The following CHD5 variants were observed in gnomAD, a reference collection of about 807,000 sequenced individuals.
CHD5 encodes the protein chromodomain helicase DNA binding protein 5.
In CHD5, 69 loss-of-function variants were observed where a neutral mutation model predicts 230.3. The observed-to-expected ratio is 0.30, with a 90% CI of 0.25 to 0.37. The LOEUF (loss-of-function observed/expected upper bound fraction) is 0.37, where lower values mean the gene tolerates loss of function less well. CHD5 is among the 10% of genes least tolerant of loss of function. The pLI is 1.00. For synonymous variants in CHD5, 1,064 were observed against 1,065.9 expected (o/e 1.00, Z 0.03); for missense variants, 1,827 against 2,622.8 (o/e 0.70, Z 6.63).
In CHD5 at chr1:6,121,207, T is replaced by G. The variant is rs1176439995; in HGVS notation, c.4810A>C (p.Ser1604Arg). The G allele has an allele frequency of 5.0e-6, 8 of 1,613,414 alleles. No individual in the cohort carries two copies. The change falls in exon 33 of 42, where the codon AGT becomes CGT. Residue 1604 changes from serine (S) to arginine (R), a missense_variant. Transcript: ENST00000262450. This position sits in a 1 kb window ranked among gnomAD's most constrained non-coding sequence, Gnocchi z 4.5. ...GCTGGGCTCTCGTGCTTGTCCTCAC[T>G]CTCCACTCTATCCAAGGCGGCTGGA... ...ALPAALDRVE[S>R]EDKHESPASK...
chr1:6,130,179 G>A lies in CHD5; in HGVS notation c.3387+25C>T. 4 of 1,612,860 alleles carry A rather than the reference G, an allele frequency of 2.5e-6. No homozygotes were observed. Among genetic ancestry groups the A allele is most frequent in the Non-Finnish European group, 3.4e-6 (4 of 1,179,150 alleles). On this transcript the variant is annotated intron_variant, in intron 22 of 41. Coordinates refer to ENST00000262450, the MANE Select transcript of CHD5 (RefSeq NM_015557.3). The surrounding 1 kb of genome is among the most constrained non-coding windows in gnomAD (Gnocchi z 4.9). Reference sequence around the variant, plus strand: ...CCCGGGATGAGAGGCCCCCTGGGAGGGTGGTGGGCGGCAGCAGCACAGACC... The same window carrying A: ...CCCGGGATGAGAGGCCCCCTGGGAGAGTGGTGGGCGGCAGCAGCACAGACC...
intron 15 of CHD5, among the ~76,000 whole-genome samples, chr1:6,140,228 A>G (rs1339071285): frequency 6.6e-6 from 1 of 152,088 alleles, no homozygotes; most frequent in Non-Finnish European, 1.5e-5. Flanking sequence ...TGTGAAACCC[A>G]GTCTCTGCTA....
At chr1:6,132,976 C>T (rs1057106596) in intron 20 of CHD5, among the ~76,000 whole-genome samples, 1 of 152,004 alleles carries the variant, frequency 6.6e-6, no homozygotes, top group Non-Finnish European at 1.5e-5. Flanking sequence ...CTCACTGCAA[C>T]CCTGAACTCC....
chr1:6,155,042 ACC>A lies in CHD5; in HGVS notation c.507-146_507-145del. 3.9e-6 allele frequency: 3 copies of A among 772,396 alleles called. No homozygotes were observed. The highest frequency in any genetic ancestry group is 6.1e-6 in the Non-Finnish European group (3 of 495,372). The allele number at this position is 772,396 out of a possible 1,614,324, so 47.8% of individuals were successfully genotyped here. A position where few individuals can be genotyped will look rare whatever the true frequency, so the allele number is the denominator to read the frequency against. On this transcript the variant is annotated intron_variant, in intron 4 of 41. Transcript: ENST00000262450. The surrounding 1 kb of genome is among the most constrained non-coding windows in gnomAD (Gnocchi z 4.0). The stretch of plus-strand genomic sequence containing the variant: ...CCTGATTAGAGAGATTAGGCGGGAA[ACC>A]CACTGACCACAGCCCACCCCCAAAA...
rs370619594 is a variant in CHD5 at position 6,125,079 on chromosome 1, G to A, written c.4394+21C>T. On this transcript the variant is annotated intron_variant, in intron 29 of 41. Coordinates refer to ENST00000262450, the MANE Select transcript of CHD5 (RefSeq NM_015557.3). The surrounding 1 kb of genome is among the most constrained non-coding windows in gnomAD (Gnocchi z 6.7). ...TCAGGGGCAGGTGGTCACACCCTGG[G>A]CCACCACCTAGCCCCTTTACCTAAA... 5.2e-6 allele frequency: 8 copies of A among 1,551,366 alleles called. No individual in the cohort carries two copies. In the African/African-American group the frequency reaches 6.8e-5, roughly 13 times the overall value.
At chr1:6,147,607 G>T (rs1571159489) in intron 9 of CHD5, among the ~76,000 whole-genome samples, 1 of 152,212 alleles carries the variant, frequency 6.6e-6, no homozygotes, top group East Asian at 1.9e-4. Flanking sequence ...GGTCGGGGGT[G>T]ACTGATTCAG....
chr1:6,110,270 C>G, intron 37 of CHD5, 124 bp downstream of exon 37: 2 of 1,127,666 alleles, frequency 1.8e-6, no homozygotes, highest in Admixed American at 3.9e-5. Context: ...ACTGCTGCTT[C>G]GTGGCAGCGT....
Position 6,146,905 on chromosome 1 carries a change from CAG to C in CHD5, c.1384-36_1384-35del. ...AGAGAAGGGTCCCCAAGGTGGGGCTCAGCTGCAGGGCCCCACCCTGAGGCTCC... is the reference window on the plus strand; with the variant it reads ...AGAGAAGGGTCCCCAAGGTGGGGCTCCTGCAGGGCCCCACCCTGAGGCTCC... On this transcript the variant is annotated intron_variant, in intron 9 of 41. Transcript: ENST00000262450. The surrounding 1 kb of genome is among the most constrained non-coding windows in gnomAD (Gnocchi z 5.1). The C allele has an allele frequency of 1.4e-6, 2 of 1,443,506 alleles. No individual in the cohort carries two copies. Among genetic ancestry groups the C allele is most frequent in the Non-Finnish European group, 1.8e-6 (2 of 1,089,544 alleles). The allele number at this position is 1,443,506 out of a possible 1,614,324, so 89.4% of individuals were successfully genotyped here.
In CHD5 at chr1:6,146,231, G is replaced by A. The variant is rs200072245; in HGVS notation, c.1783C>T (p.His595Tyr). 44 of 1,613,996 alleles carry A rather than the reference G, an allele frequency of 2.7e-5. No homozygotes were observed. The highest frequency in any genetic ancestry group is 1.0e-5 in the Non-Finnish European group (12 of 1,180,026). Residue 595 changes from histidine (H) to tyrosine (Y), a missense_variant, in exon 11 of 42, where the codon CAC (histidine) becomes TAC (tyrosine). Physicochemically the swap from His to Tyr is moderately conservative, Grantham distance 83 (BLOSUM62 2). Around this residue, in one of 14 missense-constraint regions of CHD5, gnomAD observed 657 missense variants for 816.4 expected, o/e 0.80. Transcript: ENST00000262450. This position sits in a 1 kb window ranked among gnomAD's most constrained non-coding sequence, Gnocchi z 5.1. Reference protein sequence around the residue: ...YGIKPEWMMIHRILNHSFDKK... With the variant: ...YGIKPEWMMIYRILNHSFDKK... ...ACACACCTATGGTTCAGGATTCGGTGAATCATCATCCACTCTGGCTTGATG... is the reference window on the plus strand; with the variant it reads ...ACACACCTATGGTTCAGGATTCGGTAAATCATCATCCACTCTGGCTTGATG...
At position 6,168,168 on chromosome 1, in the gene CHD5, C is replaced by A; in HGVS notation, c.189G>T (p.Gly63=). ...CCCTCACCTCTTTCTTCTTCCGCTT[C>A]CCTTTACACTTGTTTTCCTTGAGCT... ...PKKLKENKCK[G]KRKKKEGSND... is the part of the protein sequence containing the mutation. The change falls in exon 2 of 42, where the codon GGG becomes GGT. Residue 63 remains glycine (G), a synonymous_variant. Coordinates refer to ENST00000262450, the MANE Select transcript of CHD5 (RefSeq NM_015557.3). 6.2e-7 allele frequency: 1 copy of A among 1,608,524 alleles called. No individual in the cohort carries two copies. Among genetic ancestry groups the A allele is most frequent in the South Asian group, 1.1e-5 (1 of 90,710 alleles).
chr1:6,123,743 G>A (rs1666508792), intron 31 of CHD5, among the ~76,000 whole-genome samples: 2 of 152,142 alleles, frequency 1.3e-5, no homozygotes, highest in Admixed American at 6.5e-5. Flanking sequence ...TTTTAAAAGA[G>A]TGAATTTTGC....
chr1:6,112,374 G>A, intron 34 of CHD5, 97 bp from the exon 35 acceptor site: 1 of 1,453,928 alleles, frequency 6.9e-7, no homozygotes, highest in South Asian at 1.3e-5. Flanking sequence ...GAGGCAAGTA[G>A]AAAACATCCT....
chr1:6,115,916 G>A (rs1049541673), intron 33 of CHD5, among the ~76,000 whole-genome samples: 5 of 152,168 alleles, frequency 3.3e-5, no homozygotes, highest in African/African-American at 4.8e-5. Flanking sequence ...AACTGGGAAG[G>A]TTTTAAAAAA....
At chr1:6,170,466 C>G (rs989386407) in intron 1 of CHD5, among the ~76,000 whole-genome samples, 5 of 152,188 alleles carry the variant, frequency 3.3e-5, no homozygotes, top group Admixed American at 3.3e-4. Flanking sequence ...ACGCCCCTCC[C>G]ACCCTTGCAT....
chr1:6,119,266 C>T (rs1666427589), intron 33 of CHD5, among the ~76,000 whole-genome samples: 1 of 151,792 alleles, frequency 6.6e-6, no homozygotes, highest in South Asian at 2.1e-4. Context: ...GCCCGGCTAA[C>T]TTTTTTGTAT....
intron 41 of CHD5, 94 bp downstream of exon 41, chr1:6,106,140 G>A (rs955285458): frequency 3.0e-5 from 34 of 1,149,810 alleles, no homozygotes; most frequent in Admixed American, 1.4e-4. Context: ...ACTTAGGGAC[G>A]GGAGTCAAGT....
Position 6,125,717 on chromosome 1 carries a change from C to T in CHD5, c.4171+49G>A, listed in dbSNP as rs1666544800. 2 of 1,589,196 alleles carry T rather than the reference C, an allele frequency of 1.3e-6. No homozygotes were observed. The highest frequency in any genetic ancestry group is 1.3e-5 in the African/African-American group (1 of 74,520). On this transcript the variant is annotated intron_variant, in intron 27 of 41. Coordinates refer to ENST00000262450, the MANE Select transcript of CHD5 (RefSeq NM_015557.3). This position sits in a 1 kb window ranked among gnomAD's most constrained non-coding sequence, Gnocchi z 6.7. ...GCCCCGCTCCTGCTGCCATCAGCTC[C>T]CCTGACATGGCCTCAGCAGTAGCCC...
Position 6,105,355 on chromosome 1 carries a change from GTGGCGC to G in CHD5, c.*113_*118del, listed in dbSNP as rs1286332207. On this transcript the variant is annotated 3_prime_UTR_variant, in exon 42 of 42. Coordinates refer to ENST00000262450, the MANE Select transcript of CHD5 (RefSeq NM_015557.3). The surrounding 1 kb of genome is among the most constrained non-coding windows in gnomAD (Gnocchi z 4.8). The stretch of plus-strand genomic sequence containing the variant: ...ACTAGGTTTCCCTTTTTGTCCCAAG[GTGGCGC>G]TGGCTCCTAAAAAGGTGGCAGCTTT... 2 of 468,452 alleles carry G rather than the reference GTGGCGC, an allele frequency of 4.3e-6. No individual in the cohort carries two copies. Among genetic ancestry groups the G allele is most frequent in the Non-Finnish European group, 8.8e-6 (2 of 226,244 alleles). The allele number at this position is 468,452 out of a possible 1,614,324, so 29.0% of individuals were successfully genotyped here. A position where few individuals can be genotyped will look rare whatever the true frequency, so the allele number is the denominator to read the frequency against.
At position 6,155,543 on chromosome 1, in the gene CHD5, C is replaced by T; in HGVS notation, c.506+56G>A. ...CTTCACTCCTCTGCCTCCCTCCCGA[C>T]TTGGTACCACCAGAGGATGTGCGGG... is the stretch of plus-strand genomic sequence containing the variant. On this transcript the variant is annotated intron_variant, in intron 4 of 41. Transcript: ENST00000262450. The surrounding 1 kb of genome is among the most constrained non-coding windows in gnomAD (Gnocchi z 4.0). 1 of 1,482,002 alleles carries T rather than the reference C, an allele frequency of 6.7e-7. No homozygotes were observed. Among genetic ancestry groups the T allele is most frequent in the South Asian group, 1.1e-5 (1 of 88,132 alleles). The allele number at this position is 1,482,002 out of a possible 1,614,324, so 91.8% of individuals were successfully genotyped here.
Sources: allele counts gnomAD v4.1 joint callset (sites outside exome capture counted in the v4.1 genomes callset), GRCh38; gene constraint gnomAD v4.1.1; regional missense constraint gnomAD v4.1.1; non-coding constraint Gnocchi (gnomAD v3.1); transcripts MANE v1.5; gene names NCBI Gene and HGNC (gene_info 2026-07-23, HGNC 2026-07-21).